Variants in NUFIP2 observed in about 807,000 individuals in gnomAD.
The protein encoded by NUFIP2 is nuclear FMR1 interacting protein 2.
A neutral mutation model predicts 56.9 loss-of-function variants in NUFIP2; 6 were observed. The ratio of observed to expected loss-of-function variants is 0.11; its 90% CI spans 0.06 to 0.21. The LOEUF (loss-of-function observed/expected upper bound fraction) is 0.21. NUFIP2 is among the 10% of genes least tolerant of loss of function. The pLI is 1.00. For missense variants in NUFIP2, 828 were observed against 826.8 expected, an observed-to-expected ratio of 1.00 and a Z score of -0.02; for synonymous variants, 321 against 298.2, an observed-to-expected ratio of 1.08 and a Z score of -0.79.
intron 3 of NUFIP2, 100 bp from the exon 4 acceptor site, chr17:29,264,691 T>C (rs1392303127): frequency 1.7e-5 from 12 of 697,824 alleles, no homozygotes; most frequent in Non-Finnish European, 3.0e-5. Context: ...ACTGACCAAT[T>C]TTTTTATGAA....
chr17:29,291,754 T>C (rs2069214971), intron 1 of NUFIP2, among the ~76,000 whole-genome samples: 1 of 152,238 alleles, frequency 6.6e-6, no homozygotes, highest in Admixed American at 6.5e-5. Flanking sequence ...GATCTAATGC[T>C]AAAAAATCTA....
rs372950712 is a variant in NUFIP2, at chr17:29,294,089, C to T, written c.-30G>A. The T allele has an allele frequency of 4.7e-5, 74 of 1,568,326 alleles. No individual in the cohort carries two copies. The East Asian group carries it at 7.9e-4, about 17-fold the overall frequency. ...AGCGGCTGGGACTCCCTGGCTGAGG[C>T]TGCGGGCTGCTGCACCGTCAGGATC... is the stretch of plus-strand genomic sequence containing the variant. On this transcript the variant is annotated 5_prime_UTR_variant, in exon 1 of 4. Transcript: ENST00000225388.
intron 2 of NUFIP2, among the ~76,000 whole-genome samples, chr17:29,269,396 A>G (rs937011301): frequency 1.3e-5 from 2 of 152,094 alleles, no homozygotes; most frequent in African/African-American, 4.8e-5. Flanking sequence ...CAGATCTAAA[A>G]TTATTATTTT....
intron 2 of NUFIP2, among the ~76,000 whole-genome samples, chr17:29,272,794 G>A (rs35141997): frequency 0.049 from 7,440 of 151,236 alleles, 262 homozygotes; most frequent in South Asian, 0.16. Context: ...AAGCATTTTG[G>A]ATCTTAGATT....
Position 29,260,076 on chromosome 17 carries a change from T to C in NUFIP2, c.*4463A>G, listed in dbSNP as rs1255644447. 1 of 152,242 alleles carries C rather than the reference T, an allele frequency of 6.6e-6. No homozygotes were observed. The highest frequency in any genetic ancestry group is 1.5e-5 in the Non-Finnish European group (1 of 68,038). 9.4% of individuals were successfully genotyped at this position (152,242 alleles called of 1,614,324 possible). On this transcript the variant is annotated 3_prime_UTR_variant, in exon 4 of 4. Transcript: ENST00000225388. ...ATTACATTAGTAAAAATAACATCGATATTAAGAACTAATGTTAAGCTATGT... is the reference window on the plus strand; with the variant it reads ...ATTACATTAGTAAAAATAACATCGACATTAAGAACTAATGTTAAGCTATGT...
chr17:29,293,134 CG>C (rs1325910610), intron 1 of NUFIP2, among the ~76,000 whole-genome samples: 1 of 151,510 alleles, frequency 6.6e-6, no homozygotes, highest in Non-Finnish European at 1.5e-5. Flanking sequence ...GGGCGCGGGG[CG>C]CCGGCCTCGG....
intron 2 of NUFIP2, among the ~76,000 whole-genome samples, chr17:29,275,468 G>A (rs914804936): frequency 1.3e-5 from 2 of 152,152 alleles, no homozygotes; most frequent in Non-Finnish European, 2.9e-5. Context: ...TAAAGGTATA[G>A]GATATAAGAG....
intron 2 of NUFIP2, among the ~76,000 whole-genome samples, chr17:29,270,785 T>C (rs367627695): frequency 6.6e-6 from 1 of 151,982 alleles, no homozygotes; most frequent in East Asian, 1.9e-4. Flanking sequence ...CTGGGAAACA[T>C]AGGGAGACCC....
intron 2 of NUFIP2, among the ~76,000 whole-genome samples, chr17:29,285,707 T>C (rs75519241): frequency 0.013 from 1,992 of 152,260 alleles, 41 homozygotes; most frequent in African/African-American, 0.044. Context: ...ATAACATCAA[T>C]ACCTTTAAGC....
chr17:29,271,492 G>A (rs528932815), intron 2 of NUFIP2, among the ~76,000 whole-genome samples: 2 of 151,396 alleles, frequency 1.3e-5, no homozygotes, highest in African/African-American at 4.8e-5. Context: ...AGCCGAGATC[G>A]TGCCACTGCA....
At chr17:29,293,335 C>A (rs1405028163) in intron 1 of NUFIP2, among the ~76,000 whole-genome samples, 3 of 151,922 alleles carry the variant, frequency 2.0e-5, no homozygotes, top group Non-Finnish European at 4.4e-5. Flanking sequence ...CTCCTCGCCG[C>A]CTGCAAAAGG....
rs1272059994 is a variant in NUFIP2, at chr17:29,286,689, C to G, written c.1305G>C (p.Leu435=). 1.2e-6 allele frequency: 2 copies of G among 1,614,062 alleles called. No individual in the cohort carries two copies. The highest frequency in any genetic ancestry group is 1.7e-6 in the Non-Finnish European group (2 of 1,180,042). ...TTAGAGTATTAGCAGCAGTAGTTAG[C>G]AGTGGCTGACCCCCTGGAGGATAAA... ...GNVYPPGGQP[L]LTTAANTLTP... is the part of the protein sequence containing the mutation. The change falls in exon 2 of 4, where the codon CTG becomes CTC. Residue 435 remains leucine, a synonymous_variant. Transcript: ENST00000225388.
In NUFIP2 at chr17:29,260,377, A is replaced by C. The variant is rs1003855463; in HGVS notation, c.*4162T>G. ...TCTGCACAGTTAACATATTTATACA[A>C]GAGGGATCAGCTGTTGTTGAGGATG... On this transcript the variant is annotated 3_prime_UTR_variant, in exon 4 of 4. Coordinates refer to ENST00000225388, the MANE Select transcript of NUFIP2 (RefSeq NM_020772.3). 1.3e-5 allele frequency: 2 copies of C among 152,228 alleles called. No individual in the cohort carries two copies. The highest frequency in any genetic ancestry group is 4.8e-5 in the African/African-American group (2 of 41,456). 9.4% of individuals were successfully genotyped at this position (152,228 alleles called of 1,614,324 possible).
At chr17:29,272,075 A>AGAGG (rs1555548046) in intron 2 of NUFIP2, among the ~76,000 whole-genome samples, 1 of 26,462 alleles carries the variant, frequency 3.8e-5, no homozygotes, top group Non-Finnish European at 6.1e-5. Context: ...TGTCGAAAAG[A>AGAGG]GAGGGGAGGG....
Position 29,283,642 on chromosome 17 carries a change from C to T in NUFIP2, c.2002+2350G>A, listed in dbSNP as rs568231825. On this transcript the variant is annotated intron_variant, in intron 2 of 3. Transcript: ENST00000225388. The stretch of plus-strand genomic sequence containing the variant: ...ACACAACCAGATACCCTCTCAGGCT[C>T]ACACAATGATCGCCAGTGCAAAATA... Among the ~76,000 whole-genome samples, 4 of 152,336 alleles carry T rather than the reference C, an allele frequency of 2.6e-5. No homozygotes were observed. In the East Asian group the frequency reaches 7.7e-4, roughly 29 times the overall value.
At chr17:29,277,905 C>T (rs1050441708) in intron 2 of NUFIP2, among the ~76,000 whole-genome samples, 1 of 151,988 alleles carries the variant, frequency 6.6e-6, no homozygotes, top group African/African-American at 2.4e-5. Flanking sequence ...CCCAGCTACT[C>T]AGGAGGCTGA....
At chr17:29,267,171 T>C (rs73272511) in intron 3 of NUFIP2, among the ~76,000 whole-genome samples, 19,239 of 151,712 alleles carry the variant, frequency 0.13, 1,392 homozygotes, top group East Asian at 0.3. Context: ...CCCAAAGTGC[T>C]AGGATTACAG....
At chr17:29,265,553 C>T (rs1310006822) in intron 3 of NUFIP2, among the ~76,000 whole-genome samples, 3 of 148,258 alleles carry the variant, frequency 2.0e-5, no homozygotes, top group Non-Finnish European at 3.0e-5. Context: ...CCGCCCGCCT[C>T]GGCCTCCCAA....
rs180997190 is a variant in NUFIP2, at chr17:29,269,755, G to C, written c.2003-2225C>G. Among the ~76,000 whole-genome samples the C allele has an allele frequency of 5.0e-3, 742 of 148,858 alleles. 7 individuals are homozygous for C. The highest frequency in any genetic ancestry group is 0.01 in the South Asian group (48 of 4,704). On this transcript the variant is annotated intron_variant, in intron 2 of 3. Coordinates refer to ENST00000225388, the MANE Select transcript of NUFIP2 (RefSeq NM_020772.3). ...CACCAAGTCTGGCACTTTTTTTTTT[G>C]AGTCGCCCAGGCTGGAGTACAGTGG...
Sources: allele counts gnomAD v4.1 joint callset (sites outside exome capture counted in the v4.1 genomes callset), GRCh38; gene constraint gnomAD v4.1.1; transcripts MANE v1.5; gene names NCBI Gene and HGNC (gene_info 2026-07-23, HGNC 2026-07-21).